Variants in LRRC4C observed in about 807,000 individuals in gnomAD.
The protein encoded by LRRC4C is leucine rich repeat containing 4C.
Under a neutral mutation model 33.6 loss-of-function variants are expected in LRRC4C, and 5 were observed. That is an observed-to-expected ratio of 0.15 (90% CI 0.08 to 0.31). The LOEUF (loss-of-function observed/expected upper bound fraction) is 0.31, where lower values mean the gene tolerates loss of function less well. Among genes scored for constraint, LRRC4C ranks in the 10% least tolerant of loss-of-function variants. The probability of loss-of-function intolerance (pLI) is 1.00; values close to 1 mark genes in which losing one functional copy is unlikely to be tolerated. For missense variants in LRRC4C, 560 were observed against 796.7 expected (o/e 0.70, Z 3.58); for synonymous variants, 329 against 302.0 (o/e 1.09, Z -0.93).
intron 1 of LRRC4C, among the ~76,000 whole-genome samples, chr11:41,314,426 G>A (rs1282375728): frequency 6.6e-6 from 1 of 152,170 alleles, no homozygotes; most frequent in East Asian, 1.9e-4. Flanking sequence ...AGATTGATAT[G>A]ATAATTGTCA....
At chr11:40,410,078 G>C (rs1472047538) in intron 3 of LRRC4C, among the ~76,000 whole-genome samples, 2 of 151,952 alleles carry the variant, frequency 1.3e-5, no homozygotes, top group African/African-American at 2.4e-5. Flanking sequence ...TATAGCCTAT[G>C]GTTGTATCAC....
intron 3 of LRRC4C, among the ~76,000 whole-genome samples, chr11:40,564,939 G>A (rs10837437): frequency 0.23 from 35,651 of 151,986 alleles, 4,807 homozygotes; most frequent in East Asian, 0.57. Flanking sequence ...CCCAACTGTA[G>A]CTTTCAGTGG....
chr11:40,571,716 A>C (rs1205322549), intron 3 of LRRC4C, among the ~76,000 whole-genome samples: 1 of 152,176 alleles, frequency 6.6e-6, no homozygotes, highest in Non-Finnish European at 1.5e-5. Context: ...CTTCCTGATC[A>C]TTATAGATCT....
intron 1 of LRRC4C, among the ~76,000 whole-genome samples, chr11:41,114,117 T>C (rs1319663006): frequency 1.3e-5 from 2 of 152,070 alleles, no homozygotes; most frequent in South Asian, 2.1e-4. Context: ...GACCTTATAT[T>C]TGAGGATCAA....
chr11:40,182,130 T>C (rs1179932848), intron 5 of LRRC4C, among the ~76,000 whole-genome samples: 1 of 152,246 alleles, frequency 6.6e-6, no homozygotes, highest in Non-Finnish European at 1.5e-5. Context: ...TGTAAAGTAA[T>C]AAGTAAAAAG....
In LRRC4C at chr11:40,115,500, T is replaced by G. The variant is rs1590405647; in HGVS notation, c.793A>C (p.Asn265His). The G allele has an allele frequency of 6.2e-7, 1 of 1,614,176 alleles. No homozygotes were observed. Among genetic ancestry groups the G allele is most frequent in the East Asian group, 2.2e-5 (1 of 44,870 alleles). Residue 265 changes from asparagine to histidine, a missense_variant, in exon 7 of 7, where the codon AAC (asparagine) becomes CAC (histidine). Asn to His is a moderately conservative substitution (Grantham distance 68). This residue lies in a region of LRRC4C where 455 missense variants were observed against 643.8 expected (regional missense o/e 0.71). Transcript: ENST00000528697. The surrounding 1 kb of genome is among the most constrained non-coding windows in gnomAD (Gnocchi z 6.7). ...IQVIERNAFD[N>H]LQSLVEINLA... Reference sequence around the variant, plus strand: ...TTGATCTCCACTAGTGACTGAAGGTTGTCAAAGGCATTCCGTTCAATCACT... The same window carrying G: ...TTGATCTCCACTAGTGACTGAAGGTGGTCAAAGGCATTCCGTTCAATCACT...
At chr11:40,479,990 G>C (rs1386722618) in intron 3 of LRRC4C, among the ~76,000 whole-genome samples, 1 of 152,152 alleles carries the variant, frequency 6.6e-6, no homozygotes, top group Non-Finnish European at 1.5e-5. Context: ...ACAAGTTGTT[G>C]TTCTGTTTAA....
chr11:40,885,181 A>T (rs1212067136), intron 2 of LRRC4C, among the ~76,000 whole-genome samples: 1 of 152,148 alleles, frequency 6.6e-6, no homozygotes, highest in Non-Finnish European at 1.5e-5. Context: ...ATTGCTAGTC[A>T]TTCCAAATAC....
chr11:40,991,777 C>T (rs1384007070), intron 1 of LRRC4C, among the ~76,000 whole-genome samples: 1 of 152,036 alleles, frequency 6.6e-6, no homozygotes, highest in African/African-American at 2.4e-5. Flanking sequence ...AATCTAATGC[C>T]CCTGCTGGTC....
chr11:40,598,656 C>T (rs973185007), intron 3 of LRRC4C, among the ~76,000 whole-genome samples: 1 of 152,182 alleles, frequency 6.6e-6, no homozygotes, highest in Middle Eastern at 3.2e-3. Context: ...GTCCTAATCT[C>T]ACATGTTTTA....
At chr11:41,259,865 A>G (rs146109755) in intron 1 of LRRC4C, among the ~76,000 whole-genome samples, 1 of 152,158 alleles carries the variant, frequency 6.6e-6, no homozygotes, top group African/African-American at 2.4e-5. Context: ...TATGCATTTT[A>G]AAAGACTGTT....
At chr11:40,808,362 G>T (rs941953079) in intron 2 of LRRC4C, among the ~76,000 whole-genome samples, 2 of 151,918 alleles carry the variant, frequency 1.3e-5, no homozygotes. Context: ...ATTTATTAAT[G>T]CTTTAAGCAT....
chr11:41,268,011 C>A (rs1379615612), intron 1 of LRRC4C, among the ~76,000 whole-genome samples: 3 of 152,020 alleles, frequency 2.0e-5, no homozygotes, highest in African/African-American at 7.2e-5. Context: ...TCACTGTGAC[C>A]ATGCAGGTAA....
In LRRC4C at chr11:40,978,154, GT is replaced by G. The variant is rs1852220650; in HGVS notation, c.-495-44432del. ...CATTTATTATTGCATTAGGCTCTCCGTTGATCTTCCAAATCTTCTCCTGTCT... is the reference window on the plus strand; with the variant it reads ...CATTTATTATTGCATTAGGCTCTCCGTGATCTTCCAAATCTTCTCCTGTCT... On this transcript the variant is annotated intron_variant, in intron 1 of 6. Coordinates refer to ENST00000528697, the MANE Select transcript of LRRC4C (RefSeq NM_001258419.2). Among the ~76,000 whole-genome samples the G allele has an allele frequency of 3.3e-5, 5 of 152,124 alleles. No individual in the cohort carries two copies. In the South Asian group the frequency reaches 1.0e-3, roughly 32 times the overall value.
At position 40,116,043 on chromosome 11, in the gene LRRC4C, G is replaced by A; in HGVS notation, c.250C>T (p.His84Tyr). Reference sequence around the variant, plus strand: ...TTGATGATCTGGATTTGGTTCTCATGGAGGTTCAGCAGCCGTGTGTTGGTG... The same window carrying A: ...TTGATGATCTGGATTTGGTTCTCATAGAGGTTCAGCAGCCGTGTGTTGGTG... ...ISTNTRLLNL[H>Y]ENQIQIIKVN... The change falls in exon 7 of 7, where the codon CAT (histidine) becomes TAT (tyrosine). Residue 84 changes from histidine to tyrosine, a missense_variant. By Grantham distance (83) the His-to-Tyr change is moderately conservative. Coordinates refer to ENST00000528697, the MANE Select transcript of LRRC4C (RefSeq NM_001258419.2). The A allele has an allele frequency of 6.2e-7, 1 of 1,614,112 alleles. No homozygotes were observed. Among genetic ancestry groups the A allele is most frequent in the Non-Finnish European group, 8.5e-7 (1 of 1,180,024 alleles).
chr11:40,767,288 G>A (rs1383274429), intron 2 of LRRC4C, among the ~76,000 whole-genome samples: 1 of 152,044 alleles, frequency 6.6e-6, no homozygotes, highest in Non-Finnish European at 1.5e-5. Context: ...AATTTTAAAT[G>A]TATATGCCTC....
intron 5 of LRRC4C, among the ~76,000 whole-genome samples, chr11:40,180,247 C>T (rs1860873735): frequency 6.6e-6 from 1 of 152,176 alleles, no homozygotes; most frequent in Admixed American, 6.5e-5. Context: ...AACTAGAACT[C>T]ATGTATCGTA....
chr11:40,182,011 T>G (rs1861046076), intron 5 of LRRC4C, among the ~76,000 whole-genome samples: 1 of 152,222 alleles, frequency 6.6e-6, no homozygotes, highest in African/African-American at 2.4e-5. Context: ...CATTCCTTGA[T>G]GCTCTCCCTC....
In LRRC4C at chr11:41,404,898, C is replaced by A. The variant is rs551666581; in HGVS notation, c.-496+54533G>T. The stretch of plus-strand genomic sequence containing the variant: ...AAATATGAGGAGGACATTCTTATTG[C>A]CACTGGTAAACAACCATTCAGATAA... On this transcript the variant is annotated intron_variant, in intron 1 of 6. Coordinates refer to ENST00000528697, the MANE Select transcript of LRRC4C (RefSeq NM_001258419.2). Among the ~76,000 whole-genome samples, 7 of 152,076 alleles carry A rather than the reference C, an allele frequency of 4.6e-5. No homozygotes were observed. In the East Asian group the frequency reaches 1.4e-3, roughly 30 times the overall value.
Sources: gnomAD v4.1 joint callset for allele counts (sites outside exome capture counted in the v4.1 genomes callset) on GRCh38, gnomAD v4.1.1 for gene constraint, gnomAD v4.1.1 regional missense constraint, Gnocchi (gnomAD v3.1) non-coding constraint, MANE v1.5 for transcripts, NCBI Gene and HGNC (gene_info 2026-07-23, HGNC 2026-07-21) for gene names.